Variants in CDH13 observed in about 807,000 individuals in gnomAD.
CDH13 encodes cadherin 13.
Under a neutral mutation model 63.8 loss-of-function variants are expected in CDH13, and 24 were observed. That is an observed-to-expected ratio of 0.38 (90% CI 0.27 to 0.53). The LOEUF (loss-of-function observed/expected upper bound fraction) is 0.53, where lower values mean the gene tolerates loss of function less well. Among genes scored for constraint, CDH13 ranks in the 20% least tolerant of loss-of-function variants. The pLI is 0.85. For synonymous variants in CDH13, 503 were observed against 355.3 expected, an observed-to-expected ratio of 1.42 and a Z score of -4.67; for missense variants, 1,049 against 903.1, an observed-to-expected ratio of 1.16 and a Z score of -2.07.
At chr16:83,174,713 G>C (rs190216130) in intron 4 of CDH13, among the ~76,000 whole-genome samples, 2 of 152,152 alleles carry the variant, frequency 1.3e-5, no homozygotes, top group East Asian at 3.9e-4. Context: ...CTGAGATTAG[G>C]TAATATATAA....
chr16:82,697,173 A>C (rs1158485060), intron 1 of CDH13, among the ~76,000 whole-genome samples: 1 of 152,198 alleles, frequency 6.6e-6, no homozygotes, highest in African/African-American at 2.4e-5. Context: ...CTATGTCCTG[A>C]AGGGAGAAAG....
chr16:82,646,921 T>C (rs17176567), intron 1 of CDH13, among the ~76,000 whole-genome samples: 35,653 of 152,118 alleles, frequency 0.23, 4,339 homozygotes, highest in Middle Eastern at 0.28. Context: ...TGGGTGACTA[T>C]GAATGTGAAG....
At chr16:82,749,519 T>C (rs972627325) in intron 1 of CDH13, among the ~76,000 whole-genome samples, 3 of 152,196 alleles carry the variant, frequency 2.0e-5, no homozygotes, top group Non-Finnish European at 4.4e-5. Flanking sequence ...AAGTATTACC[T>C]AGCCTGTGCT....
At chr16:83,624,386 G>C (rs1337928680) in intron 8 of CDH13, among the ~76,000 whole-genome samples, 1 of 146,188 alleles carries the variant, frequency 6.8e-6, no homozygotes, top group Non-Finnish European at 1.5e-5. Context: ...TTTGGCACCA[G>C]GGACCGGTTT....
intron 2 of CDH13, among the ~76,000 whole-genome samples, chr16:83,012,036 C>T (rs921173687): frequency 3.9e-5 from 6 of 152,116 alleles, no homozygotes; most frequent in Non-Finnish European, 8.8e-5. Context: ...TTCCCCAGCC[C>T]AGGACTAGGT....
chr16:83,620,389 C>CAAAAA (rs60446363), intron 8 of CDH13, among the ~76,000 whole-genome samples: 5 of 97,346 alleles, frequency 5.1e-5, no homozygotes, highest in East Asian at 3.3e-4. Flanking sequence ...GACTCCGTCT[C>CAAAAA]AAAAAAAAAA....
At chr16:82,805,165 G>A (rs72805975) in intron 1 of CDH13, among the ~76,000 whole-genome samples, 2 of 151,970 alleles carry the variant, frequency 1.3e-5, no homozygotes, top group African/African-American at 2.4e-5. Flanking sequence ...CAGCCCCCAG[G>A]TCCATGTGTC....
rs753429857 is a variant in CDH13 at position 82,840,684 on chromosome 16, C to CAA, written c.46-17661_46-17660dup. ...TGGGTGATGGAGTGAGAATCCATCT[C>CAA]AAAAAAAAAAAAAAAAAAGAAAAAA... On this transcript the variant is annotated intron_variant, in intron 1 of 13. Coordinates refer to ENST00000567109, the MANE Select transcript of CDH13 (RefSeq NM_001257.5). Among the ~76,000 whole-genome samples the CAA allele has an allele frequency of 2.0e-3, 173 of 86,700 alleles. 5 individuals are homozygous for CAA. Among genetic ancestry groups the CAA allele is most frequent in the South Asian group, 4.6e-3 (11 of 2,384 alleles). 56.9% of individuals were successfully genotyped at this position (86,700 alleles called of 152,430 possible).
intron 2 of CDH13, among the ~76,000 whole-genome samples, chr16:82,973,082 C>G (rs1260546590): frequency 1.3e-5 from 2 of 152,228 alleles, no homozygotes; most frequent in South Asian, 2.1e-4. Flanking sequence ...TATCCTCTGT[C>G]TCAGCATTTC....
chr16:83,738,117 G>A (rs889841024), intron 10 of CDH13, among the ~76,000 whole-genome samples: 3 of 152,174 alleles, frequency 2.0e-5, no homozygotes, highest in Non-Finnish European at 2.9e-5. Context: ...TACGATGTGA[G>A]GGAGCCTGCT....
rs72798397 is a variant in CDH13 at position 83,128,559 on chromosome 16, C to T, written c.483+3058C>T. Reference sequence around the variant, plus strand: ...ATAAGGACAATCACATTTCAGTTGCCTGGAAAATCCCAGTTTACACCTGTC... The same window carrying T: ...ATAAGGACAATCACATTTCAGTTGCTTGGAAAATCCCAGTTTACACCTGTC... On this transcript the variant is annotated intron_variant, in intron 4 of 13. Coordinates refer to ENST00000567109, the MANE Select transcript of CDH13 (RefSeq NM_001257.5). Among the ~76,000 whole-genome samples the T allele has an allele frequency of 7.5e-3, 1,142 of 152,324 alleles. 13 individuals carry two copies. Among genetic ancestry groups the T allele is most frequent in the Non-Finnish European group, 0.011 (771 of 68,030 alleles).
rs1417417600 is a variant in CDH13 at position 83,678,457 on chromosome 16, A to G, written c.1534A>G (p.Ile512Val). The G allele has an allele frequency of 1.9e-6, 3 of 1,613,846 alleles. No homozygotes were observed. The highest frequency in any genetic ancestry group is 2.2e-5 in the East Asian group (1 of 44,870). ...CCCCGACTCCCTGCAGCATCAAACC[A>G]TCAGGTGGGTGAGTGGCTCCGGAAC... ...TDPDSLQHQT[I>V]RYSVYKDPAG... Residue 512 changes from isoleucine to valine, a missense_variant, in exon 10 of 14, where the codon ATC becomes GTC. Coordinates refer to ENST00000567109, the MANE Select transcript of CDH13 (RefSeq NM_001257.5).
intron 5 of CDH13, among the ~76,000 whole-genome samples, chr16:83,299,171 T>C (rs1227002602): frequency 2.0e-5 from 3 of 152,206 alleles, no homozygotes; most frequent in Non-Finnish European, 4.4e-5. Context: ...AGATAATATC[T>C]TTCTGAATCA....
intron 5 of CDH13, among the ~76,000 whole-genome samples, chr16:83,331,889 T>G (rs2090488090): frequency 6.6e-6 from 1 of 152,156 alleles, no homozygotes. Flanking sequence ...TTTTCTATCT[T>G]TAAGCAATAT....
intron 1 of CDH13, among the ~76,000 whole-genome samples, chr16:82,781,355 T>G (rs2035745218): frequency 6.6e-6 from 1 of 152,156 alleles, no homozygotes; most frequent in African/African-American, 2.4e-5. Flanking sequence ...GGTTCAGGTT[T>G]TGTGAACTTA....
At chr16:82,862,649 C>T (rs2039989560) in intron 2 of CDH13, among the ~76,000 whole-genome samples, 2 of 152,170 alleles carry the variant, frequency 1.3e-5, no homozygotes, top group Admixed American at 1.3e-4. Flanking sequence ...AGACAGAAAT[C>T]ACAGCATCTG....
rs1459928243 is a variant in CDH13 at position 82,644,458 on chromosome 16, T to C, written c.45+17321T>C. Among the ~76,000 whole-genome samples, 2 of 152,168 alleles carry C rather than the reference T, an allele frequency of 1.3e-5. No homozygotes were observed. The highest frequency in any genetic ancestry group is 4.8e-5 in the African/African-American group (2 of 41,422). ...TCGTGGGTTGATGATTTCTATCCTTTGTCATGTTGAAAATGCTGAGTGACA... is the reference window on the plus strand; with the variant it reads ...TCGTGGGTTGATGATTTCTATCCTTCGTCATGTTGAAAATGCTGAGTGACA... On this transcript the variant is annotated intron_variant, in intron 1 of 13. Coordinates refer to ENST00000567109, the MANE Select transcript of CDH13 (RefSeq NM_001257.5). The surrounding 1 kb of genome is among the most constrained non-coding windows in gnomAD (Gnocchi z 5.7).
chr16:82,629,172 C>T (rs1907710809), intron 1 of CDH13, among the ~76,000 whole-genome samples: 1 of 152,214 alleles, frequency 6.6e-6, no homozygotes, highest in Admixed American at 6.5e-5. Flanking sequence ...GGGCTCTGCG[C>T]ACGGTTCTTT....
intron 2 of CDH13, among the ~76,000 whole-genome samples, chr16:82,872,454 T>A (rs867906660): frequency 2.0e-5 from 3 of 152,230 alleles, no homozygotes; most frequent in South Asian, 2.1e-4. Context: ...GAGCATCTCC[T>A]AATTTAAGGT....
Sources: allele counts gnomAD v4.1 joint callset (sites outside exome capture counted in the v4.1 genomes callset), GRCh38; gene constraint gnomAD v4.1.1; non-coding constraint Gnocchi (gnomAD v3.1); transcripts MANE v1.5; gene names NCBI Gene and HGNC (gene_info 2026-07-23, HGNC 2026-07-21).